RNF149: variants seen among roughly 807,000 people sequenced by gnomAD.
RNF149 encodes E3 ubiquitin-protein ligase RNF149.
RNF149 carries 21 observed loss-of-function variants against 39.0 expected under a neutral mutation model. The observed-to-expected ratio is 0.54, with a 90% CI of 0.38 to 0.77. The LOEUF is 0.77. Among genes scored for constraint, RNF149 ranks in the 30% least tolerant of loss-of-function variants. The probability of loss-of-function intolerance (pLI) is 0.00; values close to 1 mark genes in which losing one functional copy is unlikely to be tolerated. For missense variants in RNF149, 493 were observed against 534.9 expected (o/e 0.92, Z 0.77); for synonymous variants, 209 against 213.6 (o/e 0.98, Z 0.19).
chr2:101,289,206 T>C (rs1380624431), intron 3 of RNF149, 151 bp from the exon 4 acceptor site: 3 of 584,232 alleles, frequency 5.1e-6, no homozygotes, highest in Non-Finnish European at 9.2e-6. Flanking sequence ...ACTTGGTGTT[T>C]ACCACTATTA....
At position 101,276,506 on chromosome 2, in the gene RNF149, T is replaced by C; in HGVS notation, c.*732A>G. On this transcript the variant is annotated 3_prime_UTR_variant, in exon 7 of 7. Transcript: ENST00000295317. ...TCTGAGTCTGCCTACTCATTTTCCT[T>C]AACAAGGCAATGAAGAACTTAATGC... 1 of 985,806 alleles carries C rather than the reference T, an allele frequency of 1.0e-6. No individual in the cohort carries two copies. Among genetic ancestry groups the C allele is most frequent in the Non-Finnish European group, 1.2e-6 (1 of 829,870 alleles). The allele number at this position is 985,806 out of a possible 1,614,324, so 61.1% of individuals were successfully genotyped here. A position where few individuals can be genotyped will look rare whatever the true frequency, so the allele number is the denominator to read the frequency against.
intron 1 of RNF149, among the ~76,000 whole-genome samples, chr2:101,307,056 T>C (rs1683692874): frequency 6.6e-6 from 1 of 152,200 alleles, no homozygotes; most frequent in African/African-American, 2.4e-5. Flanking sequence ...CTGGTCGTTA[T>C]TTTACCCGGA....
intron 4 of RNF149, chr2:101,286,437 C>A: frequency 3.5e-6 from 1 of 282,448 alleles, no homozygotes; most frequent in South Asian, 1.2e-4. Flanking sequence ...TTTTTATGTG[C>A]CTCTGTAAGT....
intron 1 of RNF149, among the ~76,000 whole-genome samples, chr2:101,296,491 T>C (rs886255419): frequency 6.6e-6 from 1 of 152,166 alleles, no homozygotes; most frequent in Non-Finnish European, 1.5e-5. Context: ...AATTAAAACA[T>C]TGTGGCTGTA....
intron 5 of RNF149, among the ~76,000 whole-genome samples, chr2:101,282,906 G>GT (rs963083336): frequency 6.6e-6 from 1 of 151,884 alleles, no homozygotes; most frequent in Admixed American, 6.6e-5. Context: ...CACCAGTAAC[G>GT]TAACGCCCTC....
At chr2:101,292,548 C>T (rs1296744624) in intron 3 of RNF149, among the ~76,000 whole-genome samples, 1 of 152,138 alleles carries the variant, frequency 6.6e-6, no homozygotes, top group African/African-American at 2.4e-5. Flanking sequence ...AGGTGGATCA[C>T]GAGGTCAGGA....
chr2:101,304,564 T>G (rs1683584417), intron 1 of RNF149, among the ~76,000 whole-genome samples: 1 of 152,208 alleles, frequency 6.6e-6, no homozygotes, highest in Admixed American at 6.5e-5. Flanking sequence ...GCCTGTGTCC[T>G]AGGCATTTCT....
At chr2:101,293,612 G>A (rs943791220) in intron 3 of RNF149, among the ~76,000 whole-genome samples, 1 of 152,122 alleles carries the variant, frequency 6.6e-6, no homozygotes, top group African/African-American at 2.4e-5. Context: ...TTTTCTCCCT[G>A]TAACTAAAGG....
rs1400919261 is a variant in RNF149 at position 101,275,755 on chromosome 2, T to C, written c.*1483A>G. On this transcript the variant is annotated 3_prime_UTR_variant, in exon 7 of 7. Transcript: ENST00000295317. ...CGCGCCCGGCCCTCCTAGTATTTCT[T>C]AAAGACAAAGAGCAAACAATCTACT... 3 of 978,454 alleles carry C rather than the reference T, an allele frequency of 3.1e-6. No individual in the cohort carries two copies. Among genetic ancestry groups the C allele is most frequent in the African/African-American group, 1.8e-5 (1 of 57,042 alleles). The allele number at this position is 978,454 out of a possible 1,614,324, so 60.6% of individuals were successfully genotyped here.
At chr2:101,279,143 A>T (rs545867369) in intron 6 of RNF149, among the ~76,000 whole-genome samples, 1 of 152,334 alleles carries the variant, frequency 6.6e-6, no homozygotes, top group South Asian at 2.1e-4. Flanking sequence ...TTGAGAATTT[A>T]AAAAAAGGAC....
Position 101,277,271 on chromosome 2 carries a change from C to T in RNF149, c.1170G>A (p.Arg390=), listed in dbSNP as rs773637702. Residue 390 remains arginine (R), a synonymous_variant, in exon 7 of 7, where the codon AGG becomes AGA. Coordinates refer to ENST00000295317, the MANE Select transcript of RNF149 (RefSeq NM_173647.4). ...TGGGTCCTCCATGCCGAGAGTCACTCCTGCCGGCTTCTGCAAGAGAGCAAC... is the reference window on the plus strand; with the variant it reads ...TGGGTCCTCCATGCCGAGAGTCACTTCTGCCGGCTTCTGCAAGAGAGCAAC... ...GENTALLEAG[R]SDSRHGGPIS is the part of the protein sequence containing the mutation. The T allele has an allele frequency of 1.2e-6, 2 of 1,612,974 alleles. No homozygotes were observed. Among genetic ancestry groups the T allele is most frequent in the Non-Finnish European group, 1.7e-6 (2 of 1,179,474 alleles).
rs369930134 is a variant in RNF149 at position 101,283,329 on chromosome 2, T to C, written c.961-1272A>G. On this transcript the variant is annotated intron_variant, in intron 5 of 6. Coordinates refer to ENST00000295317, the MANE Select transcript of RNF149 (RefSeq NM_173647.4). ...GAGGGGAGGGGCTGTGTCTTACTCA[T>C]CTTTGTCTCCCCAGAGCCAAGTGCA... is the stretch of plus-strand genomic sequence containing the variant. 7.2e-5 allele frequency among the ~76,000 whole-genome samples: 11 copies of C among 152,320 alleles called. No individual in the cohort carries two copies. The South Asian group carries it at 2.3e-3, about 32-fold the overall frequency.
At chr2:101,295,618 G>T (rs1203686018) in intron 1 of RNF149, among the ~76,000 whole-genome samples, 1 of 147,378 alleles carries the variant, frequency 6.8e-6, no homozygotes, top group African/African-American at 2.5e-5. Context: ...CTGAGATCGC[G>T]CCACTGCACT....
intron 5 of RNF149, 32 bp downstream of exon 5, chr2:101,286,049 A>C: frequency 4.0e-6 from 5 of 1,246,948 alleles, no homozygotes; most frequent in Non-Finnish European, 5.9e-6. Flanking sequence ...GAACTGGGGC[A>C]GAGATTGAAT....
At chr2:101,286,605 T>C (rs1020549124) in intron 4 of RNF149, 2 of 155,136 alleles carry the variant, frequency 1.3e-5, no homozygotes, top group African/African-American at 4.8e-5. Flanking sequence ...GGTAGGCTTA[T>C]GCAACACTTA....
At chr2:101,307,848 A>G (rs904034112) in intron 1 of RNF149, 8 of 985,308 alleles carry the variant, frequency 8.1e-6, no homozygotes, top group African/African-American at 1.7e-5. Context: ...CACCTGTTAG[A>G]ACCACAAGCC....
At chr2:101,280,201 A>AATAATAATAATAATAATG (rs70943072) in intron 6 of RNF149, among the ~76,000 whole-genome samples, 1 of 146,582 alleles carries the variant, frequency 6.8e-6, no homozygotes, top group East Asian at 2.0e-4. Flanking sequence ...TAATAATAAT[A>AATAATAATAATAATAATG]ATGATGATGA....
At chr2:101,288,088 C>G (rs1196811802) in intron 4 of RNF149, among the ~76,000 whole-genome samples, 1 of 152,076 alleles carries the variant, frequency 6.6e-6, no homozygotes, top group Non-Finnish European at 1.5e-5. Flanking sequence ...ACCTCTACCT[C>G]CCAGGTTCAA....
chr2:101,292,799 C>T (rs1252572857), intron 3 of RNF149, among the ~76,000 whole-genome samples: 2 of 151,976 alleles, frequency 1.3e-5, no homozygotes, highest in Non-Finnish European at 2.9e-5. Flanking sequence ...CAATTTCCTG[C>T]TAAGGAGGGT....
Sources: allele counts gnomAD v4.1 joint callset (sites outside exome capture counted in the v4.1 genomes callset), GRCh38; gene constraint gnomAD v4.1.1; transcripts MANE v1.5; gene names NCBI Gene and HGNC (gene_info 2026-07-23, HGNC 2026-07-21).